The following RIN2 variants were observed in gnomAD, a reference collection of about 807,000 sequenced individuals.
The protein encoded by RIN2 is Ras and Rab interactor 2, also known as RAB5 interacting protein 2.
Under a neutral mutation model 78.0 loss-of-function variants are expected in RIN2, and 36 were observed. That is an observed-to-expected ratio of 0.46 (90% confidence interval 0.35 to 0.61). RIN2 has a LOEUF of 0.61. Ranked by LOEUF, RIN2 falls within the 20% of genes least tolerant of loss-of-function variation. RIN2 has a pLI of 0.00. For missense variants in RIN2, 1,087 were observed against 1,159.7 expected (o/e 0.94, Z 0.91); for synonymous variants, 466 against 466.8 (o/e 1.00, Z 0.02).
intron 2 of RIN2, among the ~76,000 whole-genome samples, chr20:19,867,007 TA>T (rs934100408): frequency 1.6e-4 from 9 of 55,600 alleles, no homozygotes; most frequent in East Asian, 1.7e-3. Flanking sequence ...TGTTTATTTT[TA>T]TTTTTTTTTT....
In RIN2 at chr20:19,964,961, T is replaced by A. The variant is rs2041889959; in HGVS notation, c.473T>A (p.Leu158Gln). ...GAAATCTCTTTTCCAGCCTTTTCCCTGGAAGGCTCAGGAATCAGTTTCGCA... is the reference window on the plus strand; with the variant it reads ...GAAATCTCTTTTCCAGCCTTTTCCCAGGAAGGCTCAGGAATCAGTTTCGCA... ...AIKESTYTFS[L>Q]EGSGISFADL... The change falls in exon 7 of 13, where the codon CTG becomes CAG. Residue 158 changes from leucine (L) to glutamine (Q), a missense_variant. By Grantham distance (113) the Leu-to-Gln change is moderately radical (BLOSUM62 -2). Around this residue, in one of 8 missense-constraint regions of RIN2, gnomAD observed 706 missense variants for 667.5 expected, o/e 1.06. Transcript: ENST00000255006. 1 of 1,613,438 alleles carries A rather than the reference T, an allele frequency of 6.2e-7. No homozygotes were observed. Among genetic ancestry groups the A allele is most frequent in the African/African-American group, 1.3e-5 (1 of 74,952 alleles).
chr20:19,936,360 ACT>A (rs1403037225), intron 4 of RIN2, among the ~76,000 whole-genome samples: 2 of 152,002 alleles, frequency 1.3e-5, no homozygotes, highest in East Asian at 1.9e-4. Context: ...TCAGGTAGTG[ACT>A]CTCTGCCTCA....
intron 2 of RIN2, among the ~76,000 whole-genome samples, chr20:19,869,325 A>G (rs2037609152): frequency 6.6e-6 from 1 of 152,168 alleles, no homozygotes; most frequent in South Asian, 2.1e-4. Context: ...ACTTGAGAGG[A>G]AGGGTTTCTG....
intron 2 of RIN2, among the ~76,000 whole-genome samples, chr20:19,883,088 C>T (rs1300858704): frequency 2.0e-5 from 3 of 152,138 alleles, no homozygotes; most frequent in African/African-American, 7.2e-5. Flanking sequence ...TTTCAATGAC[C>T]TTGCGGGTAG....
chr20:19,995,604 C>T (rs2042935781), intron 11 of RIN2, among the ~76,000 whole-genome samples: 1 of 152,092 alleles, frequency 6.6e-6, no homozygotes, highest in Non-Finnish European at 1.5e-5. Flanking sequence ...AGAGATCATT[C>T]CTAAATACAC....
At chr20:19,860,476 C>T (rs923387538) in intron 2 of RIN2, among the ~76,000 whole-genome samples, 4 of 129,358 alleles carry the variant, frequency 3.1e-5, no homozygotes, top group African/African-American at 6.4e-5. Context: ...CACACCACCA[C>T]ACCCAGCTAA....
At chr20:19,899,876 A>G (rs757558239) in intron 3 of RIN2, among the ~76,000 whole-genome samples, 5 of 152,184 alleles carry the variant, frequency 3.3e-5, no homozygotes, top group African/African-American at 4.8e-5. Flanking sequence ...GCAATTACTC[A>G]AAGGTGTGAA....
At chr20:19,768,840 C>A (rs78118114) in intron 1 of RIN2, among the ~76,000 whole-genome samples, 146 of 152,006 alleles carry the variant, frequency 9.6e-4, no homozygotes, top group Non-Finnish European at 1.9e-3. Context: ...TGCCTTTAGA[C>A]CTTATTGGAA....
At chr20:19,996,593 A>T (rs2042974802) in intron 11 of RIN2, 86 bp from the exon 12 acceptor site, 1 of 1,355,142 alleles carries the variant, frequency 7.4e-7, no homozygotes, top group East Asian at 2.3e-5. Flanking sequence ...AAAATACAAA[A>T]CATGCCTTCT....
chr20:19,982,716 A>G (rs1447955813), intron 9 of RIN2, among the ~76,000 whole-genome samples: 1 of 152,208 alleles, frequency 6.6e-6, no homozygotes, highest in Non-Finnish European at 1.5e-5. Context: ...TCCAGCTTCC[A>G]GCACCTGTGA....
chr20:19,949,038 G>C (rs2041210362), intron 4 of RIN2, among the ~76,000 whole-genome samples: 1 of 148,462 alleles, frequency 6.7e-6, no homozygotes, highest in Non-Finnish European at 1.5e-5. Flanking sequence ...CCAGCACTTT[G>C]GGAGGCCAAG....
chr20:19,844,533 G>A (rs1308642383), intron 2 of RIN2, among the ~76,000 whole-genome samples: 3 of 152,086 alleles, frequency 2.0e-5, no homozygotes, highest in African/African-American at 7.2e-5. Context: ...CATGGCTGGT[G>A]TGTGACAGGT....
chr20:19,784,735 C>T (rs1213693670), intron 1 of RIN2, among the ~76,000 whole-genome samples: 2 of 152,072 alleles, frequency 1.3e-5, no homozygotes, highest in African/African-American at 4.8e-5. Context: ...GGGCGGGGAC[C>T]ACAGAGGACA....
At chr20:19,943,201 A>G (rs6035481) in intron 4 of RIN2, among the ~76,000 whole-genome samples, 22,400 of 152,220 alleles carry the variant, frequency 0.15, 1,956 homozygotes, top group East Asian at 0.41. Context: ...TTACAGGAAC[A>G]AATGAAAGCC....
At chr20:19,978,546 T>G (rs1335249477) in intron 9 of RIN2, among the ~76,000 whole-genome samples, 1 of 152,210 alleles carries the variant, frequency 6.6e-6, no homozygotes, top group Non-Finnish European at 1.5e-5. Flanking sequence ...AAACAGTGAA[T>G]CAATCTCAAA....
intron 11 of RIN2, among the ~76,000 whole-genome samples, chr20:19,995,261 TA>T (rs74180976): frequency 1.2e-3 from 153 of 122,666 alleles, no homozygotes; most frequent in South Asian, 2.9e-3. Context: ...GTTTTTTTTT[TA>T]AAAAAAAAAA....
At chr20:19,993,864 A>G (rs1189949026) in intron 11 of RIN2, among the ~76,000 whole-genome samples, 1 of 152,218 alleles carries the variant, frequency 6.6e-6, no homozygotes, top group Non-Finnish European at 1.5e-5. Context: ...AGCTTCGATC[A>G]TGTTTAATTC....
At chr20:19,889,541 C>T (rs1466351869) in intron 2 of RIN2, 25 bp from the exon 3 acceptor site, 1 of 1,540,258 alleles carries the variant, frequency 6.5e-7, no homozygotes, top group Non-Finnish European at 8.8e-7. Flanking sequence ...GCTGGACTAA[C>T]CATTAAAAAT....
intron 2 of RIN2, among the ~76,000 whole-genome samples, chr20:19,812,289 C>T (rs1438830299): frequency 6.6e-6 from 1 of 152,048 alleles, no homozygotes; most frequent in Non-Finnish European, 1.5e-5. Flanking sequence ...AAGAAACTAC[C>T]CAACTGTTTT....
Sources: gnomAD v4.1 joint callset for allele counts (sites outside exome capture counted in the v4.1 genomes callset) on GRCh38, gnomAD v4.1.1 for gene constraint, gnomAD v4.1.1 regional missense constraint, MANE v1.5 for transcripts, NCBI Gene and HGNC (gene_info 2026-07-23, HGNC 2026-07-21) for gene names.